Variants in DYNC2H1 observed in about 807,000 individuals in gnomAD.
DYNC2H1 encodes the protein dynein cytoplasmic 2 heavy chain 1.
Under a neutral mutation model 570.0 loss-of-function variants are expected in DYNC2H1, and 410 were observed. The ratio of observed to expected loss-of-function variants is 0.72; its 90% CI spans 0.66 to 0.78. The LOEUF (loss-of-function observed/expected upper bound fraction) is 0.78, where lower values mean the gene tolerates loss of function less well. Ranked by LOEUF, DYNC2H1 falls within the 30% of genes least tolerant of loss-of-function variation. DYNC2H1 has a pLI of 0.00. For missense variants in DYNC2H1, 4,865 were observed against 5,046.4 expected, an observed-to-expected ratio of 0.96 and a Z score of 1.09; for synonymous variants, 1,688 against 1,677.6, an observed-to-expected ratio of 1.01 and a Z score of -0.15.
chr11:103,354,459 TG>T (rs758486047), intron 82 of DYNC2H1, among the ~76,000 whole-genome samples: 2 of 152,236 alleles, frequency 1.3e-5, no homozygotes, highest in African/African-American at 2.4e-5. Flanking sequence ...TAAATATGAT[TG>T]TTTTTTAGTG....
intron 50 of DYNC2H1, among the ~76,000 whole-genome samples, chr11:103,200,465 T>C (rs1373190747): frequency 6.6e-6 from 1 of 152,216 alleles, no homozygotes; most frequent in African/African-American, 2.4e-5. Context: ...CTAGGACTTA[T>C]TAAAAGCTGT....
At chr11:103,460,615 CAAT>C (rs1944977521) in intron 87 of DYNC2H1, among the ~76,000 whole-genome samples, 1 of 148,332 alleles carries the variant, frequency 6.7e-6, no homozygotes, top group Admixed American at 6.7e-5. Flanking sequence ...GAGTAGACTT[CAAT>C]AATAACTTCA....
chr11:103,372,344 T>A (rs1488804227), intron 83 of DYNC2H1, among the ~76,000 whole-genome samples: 2 of 152,166 alleles, frequency 1.3e-5, no homozygotes, highest in Non-Finnish European at 2.9e-5. Context: ...ATCTTAACAT[T>A]CAGTATGATG....
rs561851770 is a variant in DYNC2H1 at position 103,170,887 on chromosome 11, G to C, written c.5153G>C (p.Gly1718Ala). The C allele has an allele frequency of 6.7e-7, 1 of 1,488,596 alleles. No homozygotes were observed. The highest frequency in any genetic ancestry group is 1.5e-5 in the South Asian group (1 of 66,680). 92.2% of individuals were successfully genotyped at this position (1,488,596 alleles called of 1,614,324 possible). The change falls in exon 34 of 89, where the codon GGC becomes GCC. Residue 1718 changes from glycine (G) to alanine (A), a missense_variant and splice_region_variant. This residue lies in a region of DYNC2H1 where 292 missense variants were observed against 300.2 expected (regional missense o/e 0.97). Transcript: ENST00000375735. The surrounding 1 kb of genome is among the most constrained non-coding windows in gnomAD (Gnocchi z 4.8). Reference protein sequence around the residue: ...RQVLVFNCDEGIDVKSMGRIF... With the variant: ...RQVLVFNCDEAIDVKSMGRIF... ...ATAATTTTTATTGTTGTTTTTAAGG[G>C]CATCGATGTGAAGTCAATGGGACGA...
chr11:103,365,323 T>A (rs1940854682), intron 83 of DYNC2H1, among the ~76,000 whole-genome samples: 1 of 151,356 alleles, frequency 6.6e-6, no homozygotes, highest in Non-Finnish European at 1.5e-5. Flanking sequence ...ATCGCACCAT[T>A]GCACTCCAGC....
At chr11:103,380,196 A>G (rs1463871020) in intron 83 of DYNC2H1, among the ~76,000 whole-genome samples, 6 of 152,114 alleles carry the variant, frequency 3.9e-5, no homozygotes. Flanking sequence ...CTGACTGTAA[A>G]CTTCTGTAAC....
chr11:103,170,087 C>A lies in DYNC2H1; in HGVS notation c.4969-21C>A. 1 of 1,579,396 alleles carries A rather than the reference C, an allele frequency of 6.3e-7. No individual in the cohort carries two copies. The highest frequency in any genetic ancestry group is 8.6e-7 in the Non-Finnish European group (1 of 1,162,860). ...GTTGAATAGAACATGAATACTCTGA[C>A]TTTGTGTTGTTCTTGTATAGGGTAA... On this transcript the variant is annotated intron_variant, in intron 32 of 88. Coordinates refer to ENST00000375735, the MANE Select transcript of DYNC2H1 (RefSeq NM_001377.3). The surrounding 1 kb of genome is among the most constrained non-coding windows in gnomAD (Gnocchi z 4.8).
Position 103,475,863 on chromosome 11 carries a change from G to GA in DYNC2H1, c.12766-3228dup, listed in dbSNP as rs5794243. 5.0e-3 allele frequency among the ~76,000 whole-genome samples: 758 copies of GA among 152,244 alleles called. 4 individuals are homozygous for GA. Among genetic ancestry groups the GA allele is most frequent in the African/African-American group, 0.018 (730 of 41,554 alleles). On this transcript the variant is annotated intron_variant, in intron 88 of 88. Transcript: ENST00000375735. ...GAAATAGTCTTTACATCGATATAGAGAAAATCTCCTGACTAGAAAGGAATA... is the reference window on the plus strand; with the variant it reads ...GAAATAGTCTTTACATCGATATAGAGAAAAATCTCCTGACTAGAAAGGAATA...
At position 103,325,071 on chromosome 11, in the gene DYNC2H1, CTTG is replaced by C. The variant is rs1254087633; in HGVS notation, c.12039+1084_12039+1086del. Among the ~76,000 whole-genome samples, 1 of 151,894 alleles carries C rather than the reference CTTG, an allele frequency of 6.6e-6. No individual in the cohort carries two copies. Among genetic ancestry groups the C allele is most frequent in the Non-Finnish European group, 1.5e-5 (1 of 67,956 alleles). On this transcript the variant is annotated intron_variant, in intron 82 of 88. Coordinates refer to ENST00000375735, the MANE Select transcript of DYNC2H1 (RefSeq NM_001377.3). The surrounding 1 kb of genome is among the most constrained non-coding windows in gnomAD (Gnocchi z 4.8). Reference sequence around the variant, plus strand: ...TTTTAATGGGCTTGTTTGTTTTTTGCTTGTTAATTTCTTTAAGTTCCTTATAGA... The same window carrying C: ...TTTTAATGGGCTTGTTTGTTTTTTGCTTAATTTCTTTAAGTTCCTTATAGA...
At chr11:103,438,406 G>T (rs374445890) in intron 85 of DYNC2H1, among the ~76,000 whole-genome samples, 2 of 152,058 alleles carry the variant, frequency 1.3e-5, no homozygotes, top group South Asian at 2.1e-4. Context: ...GAAAACAAAG[G>T]ATGGGAAACT....
At chr11:103,220,195 A>G (rs1451562263) in intron 56 of DYNC2H1, among the ~76,000 whole-genome samples, 167 bp downstream of exon 56, 1 of 152,228 alleles carries the variant, frequency 6.6e-6, no homozygotes, top group Non-Finnish European at 1.5e-5. Flanking sequence ...GCCTTCCAGG[A>G]AAAGTATAAA....
intron 63 of DYNC2H1, among the ~76,000 whole-genome samples, chr11:103,238,062 CTCCA>C (rs1864289383): frequency 6.6e-6 from 1 of 152,092 alleles, no homozygotes; most frequent in Non-Finnish European, 1.5e-5. Context: ...ATGGTCGACA[CTCCA>C]TCTCAGTTTT....
intron 82 of DYNC2H1, among the ~76,000 whole-genome samples, chr11:103,347,598 T>C (rs1366849865): frequency 1.3e-5 from 2 of 152,160 alleles, no homozygotes; most frequent in African/African-American, 4.8e-5. Context: ...TTGGGTTTCT[T>C]TGAAAATGTT....
intron 12 of DYNC2H1, among the ~76,000 whole-genome samples, chr11:103,127,165 G>T (rs1309076481): frequency 1.3e-5 from 2 of 152,164 alleles, no homozygotes; most frequent in African/African-American, 4.8e-5. Flanking sequence ...AGGGTTGGGT[G>T]ATCATTTCAG....
At chr11:103,357,085 T>A (rs545363874) in intron 82 of DYNC2H1, among the ~76,000 whole-genome samples, 51 of 152,260 alleles carry the variant, frequency 3.3e-4, no homozygotes, top group African/African-American at 1.2e-3. Context: ...AAACAATATA[T>A]ACATCATTGA....
chr11:103,456,186 T>A lies in DYNC2H1; in HGVS notation c.12567-89T>A, dbSNP rs555063204. The A allele has an allele frequency of 1.1e-3, 1,005 of 952,840 alleles. 8 individuals are homozygous for A. In the African/African-American group the frequency reaches 0.015, roughly 14 times the overall value. 59.0% of individuals were successfully genotyped at this position (952,840 alleles called of 1,614,324 possible). ...TTACACATGGTAAATATTTTAATTT[T>A]AAATAAATAGGACTATATCTTCAGT... On this transcript the variant is annotated intron_variant, in intron 86 of 88. Transcript: ENST00000375735.
At chr11:103,111,489 A>G (rs1217671165) in intron 1 of DYNC2H1, among the ~76,000 whole-genome samples, 2 of 152,188 alleles carry the variant, frequency 1.3e-5, no homozygotes, top group Non-Finnish European at 2.9e-5. Flanking sequence ...AGCGTAGTTC[A>G]GGATAGAGCC....
chr11:103,414,649 G>A (rs2514398), intron 84 of DYNC2H1, among the ~76,000 whole-genome samples: 101,517 of 151,970 alleles, frequency 0.67, 35,708 homozygotes, highest in African/African-American at 0.91. Flanking sequence ...TCTCAGCCCA[G>A]AAACTCCTTA....
chr11:103,427,742 C>G (rs1943724595), intron 84 of DYNC2H1, among the ~76,000 whole-genome samples: 2 of 152,076 alleles, frequency 1.3e-5, no homozygotes, highest in African/African-American at 4.8e-5. Flanking sequence ...AGGGGCTGCT[C>G]CATTCTCATG....
Sources: allele counts gnomAD v4.1 joint callset (sites outside exome capture counted in the v4.1 genomes callset), GRCh38; gene constraint gnomAD v4.1.1; regional missense constraint gnomAD v4.1.1; non-coding constraint Gnocchi (gnomAD v3.1); transcripts MANE v1.5; gene names NCBI Gene and HGNC (gene_info 2026-07-23, HGNC 2026-07-21).